Variants in FOXP1 observed in about 807,000 individuals in gnomAD.
FOXP1 encodes forkhead box P1.
In FOXP1, 15 loss-of-function variants were observed where a neutral mutation model predicts 98.2. The observed-to-expected ratio is 0.15, with a 90% CI of 0.10 to 0.24. FOXP1 has a LOEUF of 0.24. Among genes scored for constraint, FOXP1 ranks in the 10% least tolerant of loss-of-function variants. The pLI is 1.00. For missense variants in FOXP1, 633 were observed against 848.5 expected, an observed-to-expected ratio of 0.75 and a Z score of 3.15; for synonymous variants, 371 against 314.5, an observed-to-expected ratio of 1.18 and a Z score of -1.90.
chr3:70,999,499 T>C (rs2041844032), intron 13 of FOXP1, among the ~76,000 whole-genome samples: 1 of 152,228 alleles, frequency 6.6e-6, no homozygotes, highest in South Asian at 2.1e-4. Flanking sequence ...TAAAGATGTT[T>C]CCAAAGACTT....
chr3:71,466,667 C>T (rs1323857814), intron 3 of FOXP1, among the ~76,000 whole-genome samples: 3 of 152,110 alleles, frequency 2.0e-5, no homozygotes, highest in Non-Finnish European at 4.4e-5. Context: ...GAGGCGGAGT[C>T]TGATGCTGAC....
intron 2 of FOXP1, among the ~76,000 whole-genome samples, chr3:71,537,281 G>T (rs998078758): frequency 6.6e-6 from 1 of 152,218 alleles, no homozygotes; most frequent in Non-Finnish European, 1.5e-5. Context: ...AGGGTCAAAA[G>T]GTGGCCGAGG....
intron 5 of FOXP1, among the ~76,000 whole-genome samples, chr3:71,269,735 C>CT (rs2070143646): frequency 6.6e-6 from 1 of 152,106 alleles, no homozygotes; most frequent in Non-Finnish European, 1.5e-5. Flanking sequence ...CTTTAAAGCA[C>CT]TTGATAATTT....
chr3:71,059,860 T>C (rs1419736790), intron 7 of FOXP1, among the ~76,000 whole-genome samples: 2 of 152,166 alleles, frequency 1.3e-5, no homozygotes, highest in Non-Finnish European at 2.9e-5. Context: ...ATAAGTTCTC[T>C]TAAATTGAAG....
Position 70,958,186 on chromosome 3 carries a change from A to T in FOXP1, c.*1061T>A. 1 of 414,294 alleles carries T rather than the reference A, an allele frequency of 2.4e-6. No homozygotes were observed. Among genetic ancestry groups the T allele is most frequent in the Non-Finnish European group, 4.6e-6 (1 of 218,070 alleles). 25.7% of individuals were successfully genotyped at this position (414,294 alleles called of 1,614,324 possible). ...TGGTAGAATGTGGTGGCATTTATTA[A>T]TGGTTGCTGCAAAAAAAAAAAAAGA... On this transcript the variant is annotated 3_prime_UTR_variant, in exon 21 of 21. Coordinates refer to ENST00000649528, the MANE Select transcript of FOXP1 (RefSeq NM_001349338.3).
intron 2 of FOXP1, among the ~76,000 whole-genome samples, chr3:71,568,137 CG>C (rs2047058483): frequency 6.6e-6 from 1 of 151,672 alleles, no homozygotes; most frequent in Non-Finnish European, 1.5e-5. Flanking sequence ...GAAAGAAACT[CG>C]AGCAGGATTC....
chr3:70,972,093 C>G, intron 18 of FOXP1: 1 of 1,530,570 alleles, frequency 6.5e-7, no homozygotes. Context: ...CGTTTAAACT[C>G]TTCATCATCA....
chr3:71,195,179 CAACT>C lies in FOXP1; in HGVS notation c.180+3019_180+3022del, dbSNP rs376575336. Among the ~76,000 whole-genome samples, 32 of 152,236 alleles carry C rather than the reference CAACT, an allele frequency of 2.1e-4. No individual in the cohort carries two copies. The South Asian group carries it at 3.1e-3, about 15-fold the overall frequency. On this transcript the variant is annotated intron_variant, in intron 6 of 20. Transcript: ENST00000649528. ...GATTTGCCCCATTTCTCTAGGTTGT[CAACT>C]AACTAATTTTTAGAAATGACAATAC...
At chr3:71,163,052 A>G (rs1346177064) in intron 6 of FOXP1, among the ~76,000 whole-genome samples, 1 of 152,236 alleles carries the variant, frequency 6.6e-6, no homozygotes, top group South Asian at 2.1e-4. Context: ...TGCACAAACA[A>G]ATACAAACTA....
At chr3:70,963,957 T>G (rs984570094) in intron 20 of FOXP1, among the ~76,000 whole-genome samples, 6 of 152,218 alleles carry the variant, frequency 3.9e-5, no homozygotes, top group Admixed American at 3.3e-4. Context: ...GTTTATGGCT[T>G]GATTTATTCC....
intron 6 of FOXP1, among the ~76,000 whole-genome samples, chr3:71,148,717 G>A (rs2060436319): frequency 6.6e-6 from 1 of 152,130 alleles, no homozygotes. Context: ...TGACAATTTG[G>A]TGAGAATACA....
intron 13 of FOXP1, 75 bp downstream of exon 13, chr3:71,000,897 C>A: frequency 1.1e-6 from 1 of 891,548 alleles, no homozygotes; most frequent in Non-Finnish European, 1.9e-6. Flanking sequence ...TACACAGGAA[C>A]TCATTACAGA....
intron 5 of FOXP1, among the ~76,000 whole-genome samples, chr3:71,252,790 T>C (rs1381303996): frequency 1.3e-5 from 2 of 152,230 alleles, no homozygotes; most frequent in Non-Finnish European, 2.9e-5. Flanking sequence ...TGGTTACACA[T>C]GTGGCCTCAA....
chr3:71,342,829 G>GTGACA (rs1461255534), intron 4 of FOXP1, among the ~76,000 whole-genome samples: 1 of 152,126 alleles, frequency 6.6e-6, no homozygotes, highest in South Asian at 2.1e-4. Flanking sequence ...TTCCCCAACG[G>GTGACA]TGACATCTTG....
At chr3:71,509,739 G>A (rs139499168) in intron 2 of FOXP1, among the ~76,000 whole-genome samples, 2 of 151,860 alleles carry the variant, frequency 1.3e-5, no homozygotes, top group East Asian at 1.9e-4. Flanking sequence ...AAAATTAGCC[G>A]GGCTCAGTGA....
intron 5 of FOXP1, among the ~76,000 whole-genome samples, chr3:71,208,772 C>G (rs1263792166): frequency 1.3e-5 from 2 of 152,034 alleles, no homozygotes; most frequent in Non-Finnish European, 2.9e-5. Flanking sequence ...GCAGGGCTAA[C>G]GTAAACAGAA....
intron 3 of FOXP1, among the ~76,000 whole-genome samples, chr3:71,427,347 C>T (rs1017690970): frequency 2.0e-5 from 3 of 152,282 alleles, no homozygotes; most frequent in Non-Finnish European, 4.4e-5. Context: ...CAGGGACACA[C>T]GCGCAGGAGA....
At chr3:71,379,857 C>T (rs1035165593) in intron 3 of FOXP1, among the ~76,000 whole-genome samples, 4 of 152,172 alleles carry the variant, frequency 2.6e-5, no homozygotes, top group Non-Finnish European at 5.9e-5. Context: ...CCTGTTTATA[C>T]CATTGTTCTG....
At chr3:71,098,322 C>T (rs972863683) in intron 7 of FOXP1, among the ~76,000 whole-genome samples, 7 of 152,088 alleles carry the variant, frequency 4.6e-5, no homozygotes, top group South Asian at 2.1e-4. Flanking sequence ...TCTATACTTA[C>T]GAATTAAAGT....
Sources: gnomAD v4.1 joint callset for allele counts (sites outside exome capture counted in the v4.1 genomes callset) on GRCh38, gnomAD v4.1.1 for gene constraint, MANE v1.5 for transcripts, NCBI Gene and HGNC (gene_info 2026-07-23, HGNC 2026-07-21) for gene names.